Variants in EWSR1 observed in about 807,000 individuals in gnomAD.
EWSR1 encodes the protein RNA-binding protein EWS.
EWSR1 carries 14 observed loss-of-function variants against 92.1 expected under a neutral mutation model. That is an observed-to-expected ratio of 0.15 (90% CI 0.10 to 0.24). The LOEUF (loss-of-function observed/expected upper bound fraction) is 0.24, where lower values mean the gene tolerates loss of function less well. EWSR1 is among the 10% of genes least tolerant of loss of function. EWSR1 has a pLI of 1.00. For synonymous variants in EWSR1, 303 were observed against 292.9 expected, an observed-to-expected ratio of 1.03 and a Z score of -0.35; for missense variants, 637 against 870.9, an observed-to-expected ratio of 0.73 and a Z score of 3.38.
At chr22:29,287,238 C>T in intron 7 of EWSR1, 104 bp downstream of exon 7, 1 of 1,153,836 alleles carries the variant, frequency 8.7e-7, no homozygotes, top group Non-Finnish European at 1.3e-6. Flanking sequence ...GATGGAGTTT[C>T]ACTCTTGGGG....
intron 1 of EWSR1, among the ~76,000 whole-genome samples, chr22:29,268,685 C>T (rs1176196715): frequency 6.6e-6 from 1 of 152,198 alleles, no homozygotes; most frequent in African/African-American, 2.4e-5. Flanking sequence ...CGAGGCCCTG[C>T]GTGAAGGGGA....
intron 6 of EWSR1, among the ~76,000 whole-genome samples, chr22:29,285,463 A>G (rs1212563763): frequency 1.3e-5 from 2 of 151,308 alleles, no homozygotes; most frequent in African/African-American, 4.9e-5. Flanking sequence ...GCAAGAATGT[A>G]TCTATTAATT....
Position 29,292,095 on chromosome 22 carries a change from C to T in EWSR1, c.1013-42C>T, listed in dbSNP as rs1201349090. ...TTTGTAAGGTTTGTAGCTTGCAAGA[C>T]GTGCACTAATAATATTTTATATGAT... On this transcript the variant is annotated intron_variant, in intron 9 of 16. Transcript: ENST00000397938. The T allele has an allele frequency of 1.1e-5, 17 of 1,582,542 alleles. No individual in the cohort carries two copies. In the South Asian group the frequency reaches 1.4e-4, roughly 13 times the overall value.
chr22:29,268,333 G>A lies in EWSR1; in HGVS notation c.-4G>A. 6.2e-7 allele frequency: 1 copy of A among 1,614,154 alleles called. No homozygotes were observed. The highest frequency in any genetic ancestry group is 8.5e-7 in the Non-Finnish European group (1 of 1,179,992). On this transcript the variant is annotated 5_prime_UTR_variant, in exon 1 of 17. Coordinates refer to ENST00000397938, the MANE Select transcript of EWSR1 (RefSeq NM_005243.4). ...GTTGAGAGAACGAGGAGGAAGGAGA[G>A]AAAATGGCGTCCACGGGTGAGTATG...
rs1294743241 is a variant in EWSR1, at chr22:29,298,757, G to A, written c.1442G>A (p.Gly481Glu). ...RGGPGGPGGP[G>E]GPMGRMGGRG... is the part of the protein sequence containing the mutation. ...GGTCCAGGAGGCCCAGGAGGTCCTG[G>A]GGGACCCATGGGTCGCATGGGAGGC... Residue 481 changes from glycine to glutamate, a missense_variant, in exon 14 of 17, where the codon GGG becomes GAG. Around this residue, in one of 5 missense-constraint regions of EWSR1, gnomAD observed 363 missense variants for 447.8 expected, o/e 0.81. Coordinates refer to ENST00000397938, the MANE Select transcript of EWSR1 (RefSeq NM_005243.4). The A allele has an allele frequency of 6.2e-7, 1 of 1,613,680 alleles. No individual in the cohort carries two copies. The highest frequency in any genetic ancestry group is 8.5e-7 in the Non-Finnish European group (1 of 1,179,946).
intron 7 of EWSR1, among the ~76,000 whole-genome samples, chr22:29,287,353 G>T (rs571926154): frequency 3.9e-5 from 6 of 151,930 alleles, no homozygotes; most frequent in Non-Finnish European, 7.4e-5. Context: ...GATGATAGGC[G>T]CCTGCCACTA....
chr22:29,273,314 TC>T (rs2058832164), intron 3 of EWSR1, among the ~76,000 whole-genome samples: 2 of 152,240 alleles, frequency 1.3e-5, no homozygotes, highest in Non-Finnish European at 2.9e-5. Context: ...CATTGCTTTC[TC>T]TGTTCATTTG....
Position 29,297,843 on chromosome 22 carries a change from G to C in EWSR1, c.1311G>C (p.Gly437=). 2.5e-6 allele frequency: 4 copies of C among 1,613,990 alleles called. No homozygotes were observed. The highest frequency in any genetic ancestry group is 3.4e-6 in the Non-Finnish European group (4 of 1,179,982). The change falls in exon 13 of 17, where the codon GGG becomes GGC. Residue 437 remains glycine, a synonymous_variant. Transcript: ENST00000397938. The part of the protein sequence containing the change: ...VEWFDGKDFQ[G]SKLKVSLARK... The stretch of plus-strand genomic sequence containing the variant: ...TTGTTCCAGGGAAAGATTTTCAAGG[G>C]AGCAAACTTAAAGTCTCCCTTGCTC...
chr22:29,268,374 C>G lies in EWSR1; in HGVS notation c.13+25C>G, dbSNP rs368609428. 42 of 1,613,844 alleles carry G rather than the reference C, an allele frequency of 2.6e-5. No individual in the cohort carries two copies. The African/African-American group carries it at 4.5e-4, about 17-fold the overall frequency. Reference sequence around the variant, plus strand: ...GGTGAGTATGGTGGAACTGCGGTCGCGCCGGCGGTAGCCGGAACGCCCAAA... The same window carrying G: ...GGTGAGTATGGTGGAACTGCGGTCGGGCCGGCGGTAGCCGGAACGCCCAAA... On this transcript the variant is annotated intron_variant, in intron 1 of 16. Coordinates refer to ENST00000397938, the MANE Select transcript of EWSR1 (RefSeq NM_005243.4).
chr22:29,284,210 TC>T (rs772854572), intron 6 of EWSR1, among the ~76,000 whole-genome samples: 5 of 151,382 alleles, frequency 3.3e-5, no homozygotes, highest in Non-Finnish European at 7.3e-5. Context: ...CCTCAAGTGA[TC>T]CGCCCACCTT....
chr22:29,272,466 C>T, intron 3 of EWSR1, 35 bp downstream of exon 3: 2 of 1,590,188 alleles, frequency 1.3e-6, no homozygotes, highest in Middle Eastern at 2.3e-4. Flanking sequence ...AGCTGCACCT[C>T]CAAGTAAAAT....
intron 13 of EWSR1, among the ~76,000 whole-genome samples, chr22:29,298,244 G>A (rs548602017): frequency 3.9e-5 from 6 of 152,206 alleles, no homozygotes; most frequent in South Asian, 2.1e-4. Flanking sequence ...AGTGGCTCAC[G>A]CCTGTAATCC....
In EWSR1 at chr22:29,272,162, C is replaced by T; in HGVS notation, c.14-54C>T. On this transcript the variant is annotated intron_variant, in intron 1 of 16. Transcript: ENST00000397938. The stretch of plus-strand genomic sequence containing the variant: ...CGTGAATTCTTTCCCCCTTTTTTCT[C>T]TTCTCCTTGTTTCTGCTAACTTTAC... The T allele has an allele frequency of 3.3e-6, 5 of 1,534,212 alleles. No individual in the cohort carries two copies. In the African/African-American group the frequency reaches 4.1e-5, roughly 13 times the overall value.
intron 9 of EWSR1, 125 bp from the exon 10 acceptor site, chr22:29,292,012 G>T: frequency 1.2e-6 from 1 of 856,980 alleles, no homozygotes. Context: ...AGCAGTGCGG[G>T]TCATTTTGAG....
intron 5 of EWSR1, among the ~76,000 whole-genome samples, chr22:29,280,559 T>A (rs1351865731): frequency 1.3e-5 from 2 of 152,028 alleles, no homozygotes; most frequent in Non-Finnish European, 2.9e-5. Flanking sequence ...TTGGGAGGGG[T>A]CTCTTTGCCT....
intron 14 of EWSR1, 138 bp downstream of exon 14, chr22:29,299,033 C>T (rs981229613): frequency 3.8e-6 from 5 of 1,310,046 alleles, no homozygotes; most frequent in Non-Finnish European, 5.2e-6. Context: ...CACTAGTCAG[C>T]CATTCACTGG....
chr22:29,289,715 T>A (rs2060305682), intron 8 of EWSR1: 3 of 232,450 alleles, frequency 1.3e-5, no homozygotes, highest in East Asian at 6.1e-5. Context: ...TAGCATTTTT[T>A]AAAAAACAGA....
At position 29,299,842 on chromosome 22, in the gene EWSR1, A is replaced by T; in HGVS notation, c.1922A>T (p.Lys641Ile). The change falls in exon 16 of 17, where the codon AAA becomes ATA. Residue 641 changes from lysine to isoleucine, a missense_variant. Lys to Ile is a moderately radical substitution (Grantham distance 102). Around this residue, in one of 5 missense-constraint regions of EWSR1, gnomAD observed 363 missense variants for 447.8 expected, o/e 0.81. Coordinates refer to ENST00000397938, the MANE Select transcript of EWSR1 (RefSeq NM_005243.4). The part of the protein sequence containing the change: ...GRRGGRGGPG[K>I]MDKGEHRQER... ...AGAGGAGGACGTGGAGGACCTGGAA[A>T]AATGGATAAGTAAGTGCTGGTGAAA... is the stretch of plus-strand genomic sequence containing the variant. 6.5e-7 allele frequency: 1 copy of T among 1,545,992 alleles called. No individual in the cohort carries two copies. Among genetic ancestry groups the T allele is most frequent in the Non-Finnish European group, 8.7e-7 (1 of 1,144,016 alleles).
chr22:29,273,551 T>G (rs920706596), intron 3 of EWSR1, among the ~76,000 whole-genome samples, 190 bp from the exon 4 acceptor site: 1 of 152,216 alleles, frequency 6.6e-6, no homozygotes, highest in Admixed American at 6.5e-5. Flanking sequence ...TACCATAATA[T>G]GAGTGAACCA....
Sources: allele counts gnomAD v4.1 joint callset (sites outside exome capture counted in the v4.1 genomes callset), GRCh38; gene constraint gnomAD v4.1.1; regional missense constraint gnomAD v4.1.1; transcripts MANE v1.5; gene names NCBI Gene and HGNC (gene_info 2026-07-23, HGNC 2026-07-21).